The following LRMDA variants were observed in gnomAD, a reference collection of about 807,000 sequenced individuals.
LRMDA encodes the protein leucine rich melanocyte differentiation associated, also known as leucine-rich melanocyte differentiation-associated protein.
LRMDA carries 18 observed loss-of-function variants against 29.8 expected under a neutral mutation model. That is an observed-to-expected ratio of 0.60 (90% CI 0.42 to 0.90). The LOEUF is 0.90. Among genes scored for constraint, LRMDA ranks in the 40% least tolerant of loss-of-function variants. The pLI, the probability that LRMDA is intolerant of heterozygous loss-of-function variation, is 0.00. For synonymous variants in LRMDA, 125 were observed against 109.4 expected, an observed-to-expected ratio of 1.14 and a Z score of -0.89; for missense variants, 273 against 273.9, an observed-to-expected ratio of 1.00 and a Z score of 0.02.
At chr10:76,451,312 C>T (rs1842404068) in intron 6 of LRMDA, among the ~76,000 whole-genome samples, 1 of 151,968 alleles carries the variant, frequency 6.6e-6, no homozygotes, top group Admixed American at 6.6e-5. Context: ...TGCCATTCTC[C>T]TGCCTAAGCC....
At chr10:76,197,002 C>T (rs1430477684) in intron 5 of LRMDA, among the ~76,000 whole-genome samples, 3 of 152,282 alleles carry the variant, frequency 2.0e-5, no homozygotes, top group East Asian at 1.9e-4. Flanking sequence ...TGTAACATCA[C>T]GGGGTCTACC....
At chr10:76,377,876 C>T (rs1218569119) in intron 6 of LRMDA, among the ~76,000 whole-genome samples, 1 of 152,000 alleles carries the variant, frequency 6.6e-6, no homozygotes, top group Non-Finnish European at 1.5e-5. Context: ...TTTTTGGTTC[C>T]ATCTGAATTT....
intron 2 of LRMDA, among the ~76,000 whole-genome samples, chr10:75,724,063 A>T (rs1014388016): frequency 2.0e-5 from 3 of 151,942 alleles, no homozygotes; most frequent in Admixed American, 1.3e-4. Flanking sequence ...AAAAATTATT[A>T]TTTTTTTTGC....
At chr10:76,265,680 G>A (rs1472553672) in intron 5 of LRMDA, among the ~76,000 whole-genome samples, 2 of 152,186 alleles carry the variant, frequency 1.3e-5, no homozygotes, top group Non-Finnish European at 2.9e-5. Flanking sequence ...GAGTTCCAAG[G>A]TGACTGTACA....
At chr10:75,450,262 C>T (rs117707525) in intron 2 of LRMDA, 81 of 152,098 alleles carry the variant, frequency 5.3e-4, no homozygotes, top group African/African-American at 1.8e-3. Flanking sequence ...GTTCAGGTTT[C>T]GCGTAGAGTG....
chr10:75,974,840 T>C (rs1847042969), intron 2 of LRMDA, among the ~76,000 whole-genome samples: 1 of 152,180 alleles, frequency 6.6e-6, no homozygotes, highest in African/African-American at 2.4e-5. Flanking sequence ...ATATATACCA[T>C]AGATAATAAT....
At chr10:75,569,040 C>T (rs1456101463) in intron 2 of LRMDA, among the ~76,000 whole-genome samples, 1 of 152,082 alleles carries the variant, frequency 6.6e-6, no homozygotes, top group Non-Finnish European at 1.5e-5. Context: ...ACTGGTGGGG[C>T]TCAATCCACT....
intron 1 of LRMDA, among the ~76,000 whole-genome samples, chr10:75,433,318 G>C (rs1294013611): frequency 6.6e-6 from 1 of 152,052 alleles, no homozygotes. Context: ...TCCTAGATTC[G>C]ATTTTTCCTG....
chr10:75,511,980 G>A (rs140937736), intron 2 of LRMDA, among the ~76,000 whole-genome samples: 17 of 152,324 alleles, frequency 1.1e-4, no homozygotes, highest in African/African-American at 4.1e-4. Flanking sequence ...GGGGAAGAGT[G>A]AACTATTGCT....
chr10:76,195,821 C>G (rs576494100), intron 5 of LRMDA, among the ~76,000 whole-genome samples: 133 of 152,260 alleles, frequency 8.7e-4, no homozygotes, highest in African/African-American at 3.1e-3. Context: ...ATGCATAGAA[C>G]AGCTGTTTTA....
At chr10:75,963,658 C>T (rs2132431439) in intron 2 of LRMDA, among the ~76,000 whole-genome samples, 1 of 152,306 alleles carries the variant, frequency 6.6e-6, no homozygotes, top group African/African-American at 2.4e-5. Context: ...TTACATCTTC[C>T]TCTCTTCTTT....
chr10:75,826,216 C>A (rs1450311110), intron 2 of LRMDA, among the ~76,000 whole-genome samples: 2 of 152,174 alleles, frequency 1.3e-5, no homozygotes, highest in African/African-American at 4.8e-5. Flanking sequence ...TTTGGTATAA[C>A]TCTTTCTTCT....
At chr10:75,940,516 G>C (rs1292336061) in intron 2 of LRMDA, among the ~76,000 whole-genome samples, 1 of 152,172 alleles carries the variant, frequency 6.6e-6, no homozygotes, top group Non-Finnish European at 1.5e-5. Flanking sequence ...AAAAGTGAGA[G>C]TTTGCACCCT....
chr10:75,501,687 A>T (rs1017405475), intron 2 of LRMDA, among the ~76,000 whole-genome samples: 3 of 152,262 alleles, frequency 2.0e-5, no homozygotes, highest in Middle Eastern at 3.2e-3. Flanking sequence ...TCTGCACTAC[A>T]AATATACATA....
intron 2 of LRMDA, among the ~76,000 whole-genome samples, chr10:75,952,978 C>T (rs1285211025): frequency 1.3e-5 from 2 of 152,040 alleles, no homozygotes; most frequent in South Asian, 2.1e-4. Context: ...TGGTCTTGAA[C>T]TCCAGATCTC....
chr10:76,069,350 A>T (rs1244167770), intron 5 of LRMDA, among the ~76,000 whole-genome samples: 4 of 152,222 alleles, frequency 2.6e-5, no homozygotes, highest in Non-Finnish European at 5.9e-5. Flanking sequence ...AGATGAACAG[A>T]CAGGGCTCCA....
Position 75,632,809 on chromosome 10 carries a change from T to C in LRMDA, c.131+194315T>C, listed in dbSNP as rs570646286. Among the ~76,000 whole-genome samples the C allele has an allele frequency of 9.6e-3, 1,403 of 146,348 alleles. 43 individuals carry two copies. Among genetic ancestry groups the C allele is most frequent in the African/African-American group, 0.033 (1,298 of 39,474 alleles). ...TTTTTTTTTTTTTTTTTTTTTTTTT[T>C]GCCAAGAGTCTTTCCCCCAGTGTTC... On this transcript the variant is annotated intron_variant, in intron 2 of 6. Coordinates refer to ENST00000611255, the MANE Select transcript of LRMDA (RefSeq NM_001305581.2).
intron 2 of LRMDA, among the ~76,000 whole-genome samples, chr10:75,692,555 A>G (rs970221831): frequency 7.3e-6 from 1 of 137,396 alleles, no homozygotes; most frequent in Non-Finnish European, 1.5e-5. Context: ...ACACATATAC[A>G]TATGTATACG....
At chr10:75,453,607 G>T (rs569652123) in intron 2 of LRMDA, among the ~76,000 whole-genome samples, 285 of 152,190 alleles carry the variant, frequency 1.9e-3, no homozygotes, top group Middle Eastern at 3.4e-3. Context: ...GAGGTGCTTT[G>T]TTCCTCAAAA....
Sources: allele counts gnomAD v4.1 joint callset (sites outside exome capture counted in the v4.1 genomes callset), GRCh38; gene constraint gnomAD v4.1.1; transcripts MANE v1.5; gene names NCBI Gene and HGNC (gene_info 2026-07-23, HGNC 2026-07-21).